The following FOCAD variants were observed in gnomAD, a reference collection of about 807,000 sequenced individuals.
FOCAD encodes the protein KIAA1797.
FOCAD carries 198 observed loss-of-function variants against 225.6 expected under a neutral mutation model. The ratio of observed to expected loss-of-function variants is 0.88; its 90% CI spans 0.78 to 0.99. The LOEUF (loss-of-function observed/expected upper bound fraction) is 0.99, where lower values mean the gene tolerates loss of function less well. Among genes scored for constraint, FOCAD ranks in the 50% least tolerant of loss-of-function variants. The pLI, the probability that FOCAD is intolerant of heterozygous loss-of-function variation, is 0.00. For missense variants in FOCAD, 2,713 were observed against 2,123.6 expected (o/e 1.28, Z -5.46); for synonymous variants, 897 against 755.0 (o/e 1.19, Z -3.08).
At chr9:20,986,797 T>G (rs1841211061) in intron 40 of FOCAD, among the ~76,000 whole-genome samples, 2 of 152,182 alleles carry the variant, frequency 1.3e-5, no homozygotes, top group South Asian at 4.1e-4. Flanking sequence ...TGCCTGATGA[T>G]TTCATGAAAA....
intron 29 of FOCAD, among the ~76,000 whole-genome samples, chr9:20,945,090 G>A (rs1837050127): frequency 6.6e-6 from 1 of 152,192 alleles, no homozygotes; most frequent in Non-Finnish European, 1.5e-5. Context: ...TTTTAGAATT[G>A]TGCTCAAGCC....
chr9:20,913,994 G>T (rs1291026114), intron 23 of FOCAD, among the ~76,000 whole-genome samples: 1 of 151,944 alleles, frequency 6.6e-6, no homozygotes, highest in African/African-American at 2.4e-5. Context: ...GCTGGATGTG[G>T]TGGTTCATGC....
chr9:20,811,044 T>G (rs1206273318), intron 11 of FOCAD, among the ~76,000 whole-genome samples: 1 of 152,134 alleles, frequency 6.6e-6, no homozygotes, highest in African/African-American at 2.4e-5. Flanking sequence ...TGGAGTAACT[T>G]TATTGGCAGA....
intron 21 of FOCAD, among the ~76,000 whole-genome samples, chr9:20,898,610 A>C (rs1458956183): frequency 6.6e-6 from 1 of 151,676 alleles, no homozygotes; most frequent in African/African-American, 2.4e-5. Context: ...TTACATTGTT[A>C]ATTTGTTCTT....
chr9:20,948,998 A>G, intron 32 of FOCAD, 70 bp downstream of exon 32: 8 of 1,396,968 alleles, frequency 5.7e-6, no homozygotes, highest in Admixed American at 3.4e-5. Context: ...AAGAATACCC[A>G]GTGTTTTAGT....
At chr9:20,980,769 GCC>G (rs1564237608) in intron 37 of FOCAD, among the ~76,000 whole-genome samples, 23 of 152,072 alleles carry the variant, frequency 1.5e-4, no homozygotes, top group African/African-American at 5.3e-4. Context: ...TAGACTTGCT[GCC>G]CCTTTAGTAG....
At chr9:20,869,297 G>A (rs1829558615) in intron 18 of FOCAD, among the ~76,000 whole-genome samples, 1 of 152,176 alleles carries the variant, frequency 6.6e-6, no homozygotes, top group African/African-American at 2.4e-5. Context: ...ATGGAAACCG[G>A]TGGAATAAAC....
At chr9:20,739,451 A>G (rs867624748) in intron 4 of FOCAD, among the ~76,000 whole-genome samples, 1 of 152,090 alleles carries the variant, frequency 6.6e-6, no homozygotes. Context: ...TAAAAATACA[A>G]AATTAGCCAG....
chr9:20,763,602 T>C (rs886369399), intron 6 of FOCAD, among the ~76,000 whole-genome samples: 1 of 151,976 alleles, frequency 6.6e-6, no homozygotes, highest in Non-Finnish European at 1.5e-5. Context: ...AGAAGCTAGG[T>C]AGGGAGAAGG....
chr9:20,917,051 T>G, intron 24 of FOCAD, 114 bp downstream of exon 24: 1 of 775,232 alleles, frequency 1.3e-6, no homozygotes, highest in Non-Finnish European at 2.0e-6. Context: ...TAGAGTACTT[T>G]TCAATTATTT....
intron 15 of FOCAD, among the ~76,000 whole-genome samples, chr9:20,852,091 C>G (rs1371764455): frequency 1.3e-5 from 2 of 151,780 alleles, no homozygotes; most frequent in African/African-American, 4.8e-5. Flanking sequence ...TTATGCCAAG[C>G]ACTGTGCTAG....
chr9:20,812,197 A>C (rs777810454), intron 11 of FOCAD, among the ~76,000 whole-genome samples: 42 of 152,038 alleles, frequency 2.8e-4, no homozygotes, highest in Non-Finnish European at 5.0e-4. Flanking sequence ...TTTGCCTCTC[A>C]CTTTCATTGG....
At chr9:20,986,241 C>G in intron 39 of FOCAD, 47 bp from the exon 40 acceptor site, 1 of 1,246,936 alleles carries the variant, frequency 8.0e-7, no homozygotes, top group Non-Finnish European at 1.0e-6. Flanking sequence ...GTAGCTACTT[C>G]AGTTAATTTA....
chr9:20,938,255 A>G (rs1370609543), intron 28 of FOCAD, among the ~76,000 whole-genome samples: 1 of 152,218 alleles, frequency 6.6e-6, no homozygotes, highest in Non-Finnish European at 1.5e-5. Flanking sequence ...TTTATAAATC[A>G]TGCTGCTATA....
At chr9:20,840,085 A>G (rs1485868939) in intron 15 of FOCAD, among the ~76,000 whole-genome samples, 1 of 152,076 alleles carries the variant, frequency 6.6e-6, no homozygotes, top group Admixed American at 6.6e-5. Context: ...ATTTGAAGTC[A>G]GTAATGTGAT....
At chr9:20,918,641 G>A (rs12003815) in intron 24 of FOCAD, among the ~76,000 whole-genome samples, 34,261 of 151,428 alleles carry the variant, frequency 0.23, 4,187 homozygotes, top group South Asian at 0.33. Context: ...GGAGAATGGC[G>A]TGAACCCGGG....
At position 20,993,305 on chromosome 9, in the gene FOCAD, C is replaced by T; in HGVS notation, c.5309C>T (p.Ala1770Val). 6.2e-7 allele frequency: 1 copy of T among 1,613,844 alleles called. No homozygotes were observed. Among genetic ancestry groups the T allele is most frequent in the Non-Finnish European group, 8.5e-7 (1 of 1,179,776 alleles). Residue 1770 changes from alanine to valine, a missense_variant, in exon 43 of 44, where the codon GCA becomes GTA. Ala to Val is a moderately conservative substitution (Grantham distance 64). Transcript: ENST00000338382. ...IMESPKEALS[A>V]QSRDLLKATL... ...GAAAGCCCTAAAGAAGCCCTCTCAGCACAGTCCAGGGATCTTTTGAAAGGT... is the reference window on the plus strand; with the variant it reads ...GAAAGCCCTAAAGAAGCCCTCTCAGTACAGTCCAGGGATCTTTTGAAAGGT...
At chr9:20,968,805 G>A (rs1410796942) in intron 35 of FOCAD, among the ~76,000 whole-genome samples, 1 of 151,762 alleles carries the variant, frequency 6.6e-6, no homozygotes, top group Non-Finnish European at 1.5e-5. Context: ...CTACCTTTGG[G>A]TATATTTGCT....
At chr9:20,824,495 A>T (rs1255251686) in intron 15 of FOCAD, among the ~76,000 whole-genome samples, 2 of 151,980 alleles carry the variant, frequency 1.3e-5, no homozygotes, top group African/African-American at 4.8e-5. Context: ...TGTTACTATA[A>T]GGCTGTACAG....
Sources: allele counts gnomAD v4.1 joint callset (sites outside exome capture counted in the v4.1 genomes callset), GRCh38; gene constraint gnomAD v4.1.1; transcripts MANE v1.5; gene names NCBI Gene and HGNC (gene_info 2026-07-23, HGNC 2026-07-21).